CARMIL1: variants seen among roughly 807,000 people sequenced by gnomAD.
CARMIL1 encodes the protein F-actin-uncapping protein LRRC16A.
In CARMIL1, 90 loss-of-function variants were observed where a neutral mutation model predicts 177.1. The observed-to-expected ratio is 0.51, with a 90% CI of 0.43 to 0.61. The LOEUF is 0.61. CARMIL1 is among the 20% of genes least tolerant of loss of function. The probability of loss-of-function intolerance (pLI) is 0.00; values close to 1 mark genes in which losing one functional copy is unlikely to be tolerated. For missense variants in CARMIL1, 1,380 were observed against 1,667.0 expected (o/e 0.83, Z 3.00); for synonymous variants, 577 against 606.2 (o/e 0.95, Z 0.71).
At chr6:25,435,334 T>C (rs1361076283) in intron 4 of CARMIL1, 149 bp from the exon 5 acceptor site, 1 of 740,088 alleles carries the variant, frequency 1.4e-6, no homozygotes, top group Non-Finnish European at 1.9e-6. Context: ...GTATGTGAGA[T>C]GTGCTACCCT....
At chr6:25,459,098 A>G (rs1431148660) in intron 8 of CARMIL1, among the ~76,000 whole-genome samples, 1 of 151,714 alleles carries the variant, frequency 6.6e-6, no homozygotes, top group East Asian at 1.9e-4. Flanking sequence ...CAGTTTTATG[A>G]TGGCTTTTTC....
At chr6:25,352,182 G>C (rs533692033) in intron 2 of CARMIL1, among the ~76,000 whole-genome samples, 1 of 151,834 alleles carries the variant, frequency 6.6e-6, no homozygotes, top group African/African-American at 2.4e-5. Flanking sequence ...TTCATCTATA[G>C]GTGACTACAT....
chr6:25,373,907 A>T (rs895858873), intron 2 of CARMIL1, among the ~76,000 whole-genome samples: 1 of 152,114 alleles, frequency 6.6e-6, no homozygotes, highest in Non-Finnish European at 1.5e-5. Context: ...AATTGAGCTT[A>T]CTTGAATCTT....
At chr6:25,417,780 C>G (rs1259026329) in intron 2 of CARMIL1, among the ~76,000 whole-genome samples, 1 of 152,204 alleles carries the variant, frequency 6.6e-6, no homozygotes, top group Non-Finnish European at 1.5e-5. Context: ...GATTTCTGCT[C>G]TAATTGAATG....
At chr6:25,585,291 C>A (rs1421073903) in intron 31 of CARMIL1, among the ~76,000 whole-genome samples, 1 of 152,160 alleles carries the variant, frequency 6.6e-6, no homozygotes, top group East Asian at 1.9e-4. Context: ...TAACAATTAT[C>A]GTTGTTTTTC....
intron 31 of CARMIL1, among the ~76,000 whole-genome samples, chr6:25,585,802 C>T (rs1344241910): frequency 6.8e-6 from 1 of 146,344 alleles, no homozygotes; most frequent in Non-Finnish European, 1.5e-5. Context: ...CATCTTGCAC[C>T]GCCCTTAATC....
chr6:25,358,412 A>G lies in CARMIL1; in HGVS notation c.139-61702A>G, dbSNP rs376433668. ...AAGTAGACAGAAAAGAAGTGGGAAT[A>G]TACAGGTAGGAGAAGCATTACTTTT... On this transcript the variant is annotated intron_variant, in intron 2 of 36. Coordinates refer to ENST00000329474, the MANE Select transcript of CARMIL1 (RefSeq NM_017640.6). Among the ~76,000 whole-genome samples the G allele has an allele frequency of 1.0e-3, 154 of 152,334 alleles. 2 individuals are homozygous for G. Among genetic ancestry groups the G allele is most frequent in the Middle Eastern group, 6.8e-3 (2 of 294 alleles).
At chr6:25,420,216 T>A in intron 3 of CARMIL1, 52 bp downstream of exon 3, 1 of 1,524,524 alleles carries the variant, frequency 6.6e-7, no homozygotes, top group Non-Finnish European at 9.1e-7. Flanking sequence ...TCATACCCAC[T>A]CATGCATAGT....
At chr6:25,420,007 A>G (rs1195050777) in intron 2 of CARMIL1, 107 bp from the exon 3 acceptor site, 5 of 819,728 alleles carry the variant, frequency 6.1e-6, no homozygotes, top group Non-Finnish European at 1.1e-5. Context: ...GAGCCAAGCC[A>G]TGTGGCCTTC....
intron 2 of CARMIL1, among the ~76,000 whole-genome samples, chr6:25,382,515 C>T (rs57992726): frequency 0.15 from 22,567 of 151,974 alleles, 1,723 homozygotes; most frequent in African/African-American, 0.19. Flanking sequence ...GAAGGGGACC[C>T]GAGTGGGTTG....
At position 25,284,888 on chromosome 6, in the gene CARMIL1, C is replaced by CTGG; in HGVS notation, c.117_118insTGG (p.Asp39_Lys40insTrp). On this transcript the variant is annotated inframe_insertion, in exon 2 of 37. Transcript: ENST00000329474. ...AAGTAAAGTTGGAAGTTAAGGGAGA[C>CTGG]AAAGTTGAAAACAAAGTGCTGGTAA... is the stretch of plus-strand genomic sequence containing the variant. 6.4e-7 allele frequency: 1 copy of CTGG among 1,564,960 alleles called. No homozygotes were observed. Among genetic ancestry groups the CTGG allele is most frequent in the Non-Finnish European group, 8.7e-7 (1 of 1,152,188 alleles).
At chr6:25,282,775 C>A in intron 1 of CARMIL1, among the ~76,000 whole-genome samples, 1 of 152,128 alleles carries the variant, frequency 6.6e-6, no homozygotes, top group East Asian at 1.9e-4. Flanking sequence ...GCTCAGGGAT[C>A]CTCTCCTCCC....
chr6:25,499,237 G>A (rs778167780), intron 16 of CARMIL1, among the ~76,000 whole-genome samples: 34 of 152,226 alleles, frequency 2.2e-4, no homozygotes, highest in Non-Finnish European at 3.4e-4. Flanking sequence ...ACAGGTAATC[G>A]CCCCCAGTTA....
chr6:25,490,209 T>G (rs1803065891), intron 13 of CARMIL1, among the ~76,000 whole-genome samples: 1 of 152,080 alleles, frequency 6.6e-6, no homozygotes, highest in African/African-American at 2.4e-5. Flanking sequence ...CTGGCCTCTT[T>G]GGAGAAGTGT....
intron 2 of CARMIL1, among the ~76,000 whole-genome samples, chr6:25,396,662 G>A (rs12524380): frequency 0.17 from 26,490 of 151,964 alleles, 2,547 homozygotes; most frequent in East Asian, 0.32. Flanking sequence ...ATGCCTGGCC[G>A]TTTTAATCTT....
At chr6:25,525,313 G>A (rs1806986824) in intron 23 of CARMIL1, among the ~76,000 whole-genome samples, 1 of 152,184 alleles carries the variant, frequency 6.6e-6, no homozygotes, top group South Asian at 2.1e-4. Context: ...TAAGTAAGAA[G>A]AGAGTGGAGT....
intron 14 of CARMIL1, 34 bp downstream of exon 14, chr6:25,491,843 G>C (rs1425089036): frequency 6.5e-7 from 1 of 1,538,890 alleles, no homozygotes; most frequent in Non-Finnish European, 8.9e-7. Context: ...CTTGCTCTGA[G>C]GGGTCTCAGA....
At chr6:25,357,022 T>C (rs1157479017) in intron 2 of CARMIL1, among the ~76,000 whole-genome samples, 2 of 151,852 alleles carry the variant, frequency 1.3e-5, no homozygotes, top group East Asian at 3.9e-4. Flanking sequence ...TTAGTGGGGT[T>C]AACTATTGGG....
intron 2 of CARMIL1, among the ~76,000 whole-genome samples, chr6:25,378,391 A>G (rs1338693420): frequency 1.3e-5 from 2 of 152,214 alleles, no homozygotes; most frequent in African/African-American, 4.8e-5. Flanking sequence ...TTATGGCTGC[A>G]GCACACTTCC....
Sources: gnomAD v4.1 joint callset for allele counts (sites outside exome capture counted in the v4.1 genomes callset) on GRCh38, gnomAD v4.1.1 for gene constraint, MANE v1.5 for transcripts, NCBI Gene and HGNC (gene_info 2026-07-23, HGNC 2026-07-21) for gene names.